CDC42EP5: variants seen among roughly 807,000 people sequenced by gnomAD.
CDC42EP5 encodes CDC42 effector protein 5, also known as CDC42 effector protein (Rho GTPase binding) 5.
For synonymous variants in CDC42EP5, 118 were observed against 123.3 expected (o/e 0.96, Z 0.28); for missense variants, 269 against 238.0 (o/e 1.13, Z -0.86).
At chr19:54,465,586 G>C in intron 2 of CDC42EP5, 39 bp from the exon 3 acceptor site, 2 of 1,415,162 alleles carry the variant, frequency 1.4e-6, no homozygotes, top group Non-Finnish European at 9.1e-7. Flanking sequence ...GCCCCAGCCC[G>C]GGGCTCGCAG....
chr19:54,470,710 C>T (rs556516435), intron 2 of CDC42EP5, among the ~76,000 whole-genome samples: 5 of 152,240 alleles, frequency 3.3e-5, no homozygotes, highest in East Asian at 3.9e-4. Context: ...TTTACAGATG[C>T]GCGATGGCTG....
chr19:54,465,544 G>A lies in CDC42EP5; in HGVS notation c.4C>T (p.Pro2Ser). 6.6e-7 allele frequency: 1 copy of A among 1,526,442 alleles called. No homozygotes were observed. Among genetic ancestry groups the A allele is most frequent in the Non-Finnish European group, 8.7e-7 (1 of 1,148,788 alleles). 94.6% of individuals were successfully genotyped at this position (1,526,442 alleles called of 1,614,324 possible). M[P>S]VLKQLGPAQP... Reference sequence around the variant, plus strand: ...GCGGGGCCCAGCTGCTTCAGCACGGGCATCTGCGAGGGGCACGGGAGGGTC... The same window carrying A: ...GCGGGGCCCAGCTGCTTCAGCACGGACATCTGCGAGGGGCACGGGAGGGTC... Residue 2 changes from proline to serine, a missense_variant, in exon 3 of 3, where the codon CCC (proline) becomes TCC (serine). Coordinates refer to ENST00000301200, the MANE Select transcript of CDC42EP5 (RefSeq NM_145057.4).
Position 54,465,241 on chromosome 19 carries a change from C to A in CDC42EP5, c.307G>T (p.Val103Leu). The A allele has an allele frequency of 1.4e-6, 2 of 1,431,580 alleles. No individual in the cohort carries two copies. The highest frequency in any genetic ancestry group is 1.8e-6 in the Non-Finnish European group (2 of 1,095,824). 88.7% of individuals were successfully genotyped at this position (1,431,580 alleles called of 1,614,324 possible). A position where few individuals can be genotyped will look rare whatever the true frequency, so the allele number is the denominator to read the frequency against. ...CGCGCCGCGTCCATGACGCCCAGCA[C>A]CGCGTCCAGCATGGAGGGCCCCAGA... ...LDLGPSMLDA[V>L]LGVMDAARPE... The change falls in exon 3 of 3, where the codon GTG (valine) becomes TTG (leucine). Residue 103 changes from valine to leucine, a missense_variant. Val to Leu is a conservative substitution (Grantham distance 32). Transcript: ENST00000301200.
chr19:54,472,779 T>C (rs11667424), intron 1 of CDC42EP5, among the ~76,000 whole-genome samples: 16,021 of 28,226 alleles, frequency 0.57, 4,437 homozygotes, highest in East Asian at 0.72. Context: ...CCAGCCCCTC[T>C]TCCCTCAGAC....
At chr19:54,468,927 CTTTCTTTT>C (rs1569324381) in intron 2 of CDC42EP5, among the ~76,000 whole-genome samples, 8 of 145,824 alleles carry the variant, frequency 5.5e-5, no homozygotes, top group Admixed American at 1.4e-4. Context: ...TTCCTTCTTT[CTTTCTTTT>C]CTTCCCTCCC....
chr19:54,469,866 A>T (rs537428260), intron 2 of CDC42EP5, among the ~76,000 whole-genome samples: 1 of 152,292 alleles, frequency 6.6e-6, no homozygotes, highest in Non-Finnish European at 1.5e-5. Flanking sequence ...GCCTCTGGTC[A>T]GACCCAGCTC....
Position 54,469,177 on chromosome 19 carries a change from G to A in CDC42EP5, c.-1+2368C>T, listed in dbSNP as rs558086891. ...GCTTGGCTAATTTTTGTATTTTATA[G>A]TAGAGATGGGGTTTCACCATGTTGG... On this transcript the variant is annotated intron_variant, in intron 2 of 2. Coordinates refer to ENST00000301200, the MANE Select transcript of CDC42EP5 (RefSeq NM_145057.4). Among the ~76,000 whole-genome samples, 329 of 151,594 alleles carry A rather than the reference G, an allele frequency of 2.2e-3. 2 individuals carry two copies. The highest frequency in any genetic ancestry group is 7.6e-3 in the African/African-American group (315 of 41,312).
chr19:54,465,695 G>A (rs1054231698), intron 2 of CDC42EP5, 148 bp from the exon 3 acceptor site: 1 of 1,041,870 alleles, frequency 9.6e-7, no homozygotes, highest in African/African-American at 1.7e-5. Context: ...GAGTTCAATG[G>A]CGCCATCCCG....
intron 2 of CDC42EP5, among the ~76,000 whole-genome samples, chr19:54,466,685 GA>G (rs11336215): frequency 5.3e-5 from 8 of 151,736 alleles, no homozygotes; most frequent in South Asian, 2.1e-4. Flanking sequence ...AAATACTGGG[GA>G]AAAAATACAG....
rs1369044767 is a variant in CDC42EP5 at position 54,465,163 on chromosome 19, G to C, written c.385C>G (p.Pro129Ala). 2.1e-6 allele frequency: 3 copies of C among 1,409,720 alleles called. No homozygotes were observed. The highest frequency in any genetic ancestry group is 3.0e-5 in the East Asian group (1 of 33,830). The allele number at this position is 1,409,720 out of a possible 1,614,324, so 87.3% of individuals were successfully genotyped here. A position where few individuals can be genotyped will look rare whatever the true frequency, so the allele number is the denominator to read the frequency against. Residue 129 changes from proline to alanine, a missense_variant, in exon 3 of 3, where the codon CCC (proline) becomes GCC (alanine). Coordinates refer to ENST00000301200, the MANE Select transcript of CDC42EP5 (RefSeq NM_145057.4). ...TTGGGGCGGCAGCGGGCCTGGGGGG[G>C]CTGCGTCCCGGGGCGGGGTTCCGCG... ...PDAEPRPGTQPPQARCRPNAD... is the reference protein window; with the variant it reads ...PDAEPRPGTQAPQARCRPNAD...
In CDC42EP5 at chr19:54,465,246, T is replaced by G. The variant is rs1393912883; in HGVS notation, c.302A>C (p.Asp101Ala). The change falls in exon 3 of 3, where the codon GAC becomes GCC. Residue 101 changes from aspartate to alanine, a missense_variant. Transcript: ENST00000301200. Reference sequence around the variant, plus strand: ...CGCGTCCATGACGCCCAGCACCGCGTCCAGCATGGAGGGCCCCAGATCCAG... The same window carrying G: ...CGCGTCCATGACGCCCAGCACCGCGGCCAGCATGGAGGGCCCCAGATCCAG... Reference protein sequence around the residue: ...FHLDLGPSMLDAVLGVMDAAR... With the variant: ...FHLDLGPSMLAAVLGVMDAAR... 1 of 1,425,456 alleles carries G rather than the reference T, an allele frequency of 7.0e-7. No individual in the cohort carries two copies. The highest frequency in any genetic ancestry group is 3.0e-5 in the East Asian group (1 of 33,408). 88.3% of individuals were successfully genotyped at this position (1,425,456 alleles called of 1,614,324 possible).
chr19:54,468,920 C>CTTCCTTCCTTCCTTCTTTCTTTCTT (rs753994637), intron 2 of CDC42EP5, among the ~76,000 whole-genome samples: 1 of 123,904 alleles, frequency 8.1e-6, no homozygotes, highest in Non-Finnish European at 1.7e-5. Flanking sequence ...TCCTTCCTTC[C>CTTCCTTCCTTCCTTCTTTCTTTCTT]TTCTTTCTTT....
At chr19:54,469,915 C>G (rs1024844417) in intron 2 of CDC42EP5, among the ~76,000 whole-genome samples, 3 of 151,634 alleles carry the variant, frequency 2.0e-5, no homozygotes, top group Admixed American at 6.6e-5. Context: ...TTGCCCTATC[C>G]GTTGCCACCA....
intron 2 of CDC42EP5, among the ~76,000 whole-genome samples, chr19:54,469,536 T>C (rs1569324751): frequency 6.6e-6 from 1 of 152,228 alleles, no homozygotes; most frequent in African/African-American, 2.4e-5. Flanking sequence ...TTACTTGACC[T>C]TTCTGACCTC....
In CDC42EP5 at chr19:54,465,156, T is replaced by TG. The variant is rs546021169; in HGVS notation, c.391dup (p.Gln131ProfsTer?). On this transcript the variant is annotated frameshift_variant, in exon 3 of 3. Coordinates refer to ENST00000301200, the MANE Select transcript of CDC42EP5 (RefSeq NM_145057.4). LOFTEE classifies it high-confidence loss of function. The stretch of plus-strand genomic sequence containing the variant: ...GTCCGCGTTGGGGCGGCAGCGGGCC[T>TG]GGGGGGGCTGCGTCCCGGGGCGGGG... 219 of 1,406,526 alleles carry TG rather than the reference T, an allele frequency of 1.6e-4. No homozygotes were observed. In the South Asian group the frequency reaches 2.3e-3, roughly 15 times the overall value. 87.1% of individuals were successfully genotyped at this position (1,406,526 alleles called of 1,614,324 possible). A position where few individuals can be genotyped will look rare whatever the true frequency, so the allele number is the denominator to read the frequency against.
At chr19:54,468,965 TTTC>T (rs1043580910) in intron 2 of CDC42EP5, among the ~76,000 whole-genome samples, 5 of 147,108 alleles carry the variant, frequency 3.4e-5, no homozygotes, top group Admixed American at 2.0e-4. Context: ...CCTTCCTTCC[TTTC>T]TTTTCTTTCT....
chr19:54,469,801 G>A (rs540175166), intron 2 of CDC42EP5, among the ~76,000 whole-genome samples: 2 of 152,296 alleles, frequency 1.3e-5, no homozygotes, highest in East Asian at 3.9e-4. Flanking sequence ...AGTGTCTAGA[G>A]CTGGCTGCCT....
In CDC42EP5 at chr19:54,465,077, G is replaced by C. The variant is rs867188569; in HGVS notation, c.*24C>G. ...TATACAGAAGTGGGGTGCCGGGCGG[G>C]AAGGGCGCGGGGAATGAGGGAACCT... On this transcript the variant is annotated 3_prime_UTR_variant, in exon 3 of 3. Coordinates refer to ENST00000301200, the MANE Select transcript of CDC42EP5 (RefSeq NM_145057.4). The C allele has an allele frequency of 1.2e-5, 16 of 1,308,300 alleles. 1 individual carries two copies. In the Middle Eastern group the frequency reaches 2.4e-3, roughly 199 times the overall value. 81.0% of individuals were successfully genotyped at this position (1,308,300 alleles called of 1,614,324 possible).
intron 2 of CDC42EP5, among the ~76,000 whole-genome samples, 166 bp from the exon 3 acceptor site, chr19:54,465,713 G>A (rs370154968): frequency 1.3e-5 from 2 of 152,276 alleles, no homozygotes; most frequent in South Asian, 4.1e-4. Flanking sequence ...CCGGCTCACC[G>A]CAACCTCCGC....
Sources: allele counts gnomAD v4.1 joint callset (sites outside exome capture counted in the v4.1 genomes callset), GRCh38; gene constraint gnomAD v4.1.1; transcripts MANE v1.5; gene names NCBI Gene and HGNC (gene_info 2026-07-23, HGNC 2026-07-21).